Variants in ANKMY1 observed in about 807,000 individuals in gnomAD.
ANKMY1 encodes ankyrin repeat and MYND domain containing 1, also known as ankyrin repeat and MYND domain-containing protein 1.
ANKMY1 carries 98 observed loss-of-function variants against 102.0 expected under a neutral mutation model. That is an observed-to-expected ratio of 0.96 (90% CI 0.82 to 1.14). The LOEUF (loss-of-function observed/expected upper bound fraction) is 1.14. Ranked by LOEUF, ANKMY1 falls within the 50% of genes most tolerant of loss-of-function variation. ANKMY1 has a pLI of 0.00. For missense variants in ANKMY1, 1,330 were observed against 1,347.6 expected, an observed-to-expected ratio of 0.99 and a Z score of 0.20; for synonymous variants, 582 against 559.9, an observed-to-expected ratio of 1.04 and a Z score of -0.56.
intron 4 of ANKMY1, among the ~76,000 whole-genome samples, chr2:240,548,115 TAA>T (rs2090793967): frequency 6.6e-6 from 1 of 152,152 alleles, no homozygotes; most frequent in Non-Finnish European, 1.5e-5. Flanking sequence ...AAATCCTCAA[TAA>T]AATACTGCCA....
intron 9 of ANKMY1, among the ~76,000 whole-genome samples, chr2:240,516,731 T>C (rs1322707387): frequency 6.6e-6 from 1 of 152,236 alleles, no homozygotes; most frequent in Non-Finnish European, 1.5e-5. Flanking sequence ...ATTGAATGCA[T>C]GTTTCTGATA....
At chr2:240,471,822 A>G in the ANKMY1 span, among the ~76,000 whole-genome samples, 1 of 152,170 alleles carries the variant, frequency 6.6e-6, no homozygotes, top group East Asian at 1.9e-4. Context: ...AGCTCGCCAA[A>G]TGGGGTCCTT....
chr2:240,525,064 C>A (rs1378892089), intron 7 of ANKMY1, among the ~76,000 whole-genome samples: 1 of 152,262 alleles, frequency 6.6e-6, no homozygotes, highest in African/African-American at 2.4e-5. Context: ...AAGCACCAGA[C>A]AACTGCAAGC....
chr2:240,476,603 G>A (rs80086246), downstream of ANKMY1, among the ~76,000 whole-genome samples: 2,763 of 152,322 alleles, frequency 0.018, 193 homozygotes, highest in East Asian at 0.19. Flanking sequence ...AGACAGCAGA[G>A]CACAGAAGGG....
At chr2:240,528,608 C>T (rs185357327) in intron 5 of ANKMY1, among the ~76,000 whole-genome samples, 115 of 152,210 alleles carry the variant, frequency 7.6e-4, no homozygotes, top group African/African-American at 2.7e-3. Context: ...CTAGCTATGG[C>T]CTGCACAAGG....
chr2:240,557,459 C>T lies in ANKMY1; in HGVS notation c.-17-107G>A, dbSNP rs2092496630. On this transcript the variant is annotated intron_variant, in intron 1 of 17. Transcript: ENST00000401804. ...CCCCTGAGCCTCAGAGAACCCAAGCCCCTCCCTGAACCGCGCCGGAGCCTG... is the reference window on the plus strand; with the variant it reads ...CCCCTGAGCCTCAGAGAACCCAAGCTCCTCCCTGAACCGCGCCGGAGCCTG... 7.5e-6 allele frequency: 10 copies of T among 1,335,910 alleles called. No homozygotes were observed. In the South Asian group the frequency reaches 1.3e-4, roughly 17 times the overall value. 82.8% of individuals were successfully genotyped at this position (1,335,910 alleles called of 1,614,324 possible).
chr2:240,482,161 C>T (rs1171214907), intron 16 of ANKMY1, 22 bp downstream of exon 16: 2 of 1,610,586 alleles, frequency 1.2e-6, no homozygotes, highest in Admixed American at 1.7e-5. Flanking sequence ...CTGGAAAGAA[C>T]CCAGCCTGCA....
rs753361732 is a variant in ANKMY1, at chr2:240,506,759, A to G, written c.2526+801T>C. ...CGTGGGTGGTGCCCACAGCGGACACAGGAAGGGCTGGCATGGGCGGAGGGC... is the reference window on the plus strand; with the variant it reads ...CGTGGGTGGTGCCCACAGCGGACACGGGAAGGGCTGGCATGGGCGGAGGGC... On this transcript the variant is annotated intron_variant, in intron 13 of 17. Transcript: ENST00000401804. The surrounding 1 kb of genome is among the most constrained non-coding windows in gnomAD (Gnocchi z 4.9). 1.3e-5 allele frequency among the ~76,000 whole-genome samples: 2 copies of G among 152,092 alleles called. No homozygotes were observed. Among genetic ancestry groups the G allele is most frequent in the African/African-American group, 2.4e-5 (1 of 41,430 alleles).
downstream of ANKMY1, among the ~76,000 whole-genome samples, chr2:240,478,448 C>T (rs1185093925): frequency 6.6e-6 from 1 of 152,164 alleles, no homozygotes; most frequent in Non-Finnish European, 1.5e-5. Flanking sequence ...TACACCCACC[C>T]AGCATCCCAG....
Position 240,554,973 on chromosome 2 carries a change from G to A in ANKMY1, c.229C>T (p.Gln77Ter). 6.2e-7 allele frequency: 1 copy of A among 1,614,186 alleles called. No homozygotes were observed. Among genetic ancestry groups the A allele is most frequent in the Admixed American group, 1.7e-5 (1 of 60,030 alleles). Reference protein sequence around the residue: ...RAQDLRESYIQLVQGVQEWQD... With the variant: ...RAQDLRESYI ...CACTCCTGCACACCCTGGACGAGCTGGATGTAGGACTCCCTCAGGTCCTGC... is the reference window on the plus strand; with the variant it reads ...CACTCCTGCACACCCTGGACGAGCTAGATGTAGGACTCCCTCAGGTCCTGC... The change falls in exon 3 of 18, where the codon CAG (glutamine) becomes TAG (stop). Residue 77 changes from glutamine (Q) to a stop codon, truncating the protein, a stop_gained. Coordinates refer to ENST00000401804, the MANE Select transcript of ANKMY1 (RefSeq NM_001282771.3). LOFTEE classifies it high-confidence loss of function.
Position 240,552,987 on chromosome 2 carries a change from CTG to C in ANKMY1, c.405_406del (p.Ser136PhefsTer73). ...GCTGAGGTAAAATGTGCCCGTGAAA[CTG>C]GAGCCATCTGGCCACATGTAGGTAC... On this transcript the variant is annotated frameshift_variant, in exon 4 of 18. Coordinates refer to ENST00000401804, the MANE Select transcript of ANKMY1 (RefSeq NM_001282771.3). LOFTEE classifies it high-confidence loss of function. 6.2e-7 allele frequency: 1 copy of C among 1,614,068 alleles called. No homozygotes were observed. Among genetic ancestry groups the C allele is most frequent in the Non-Finnish European group, 8.5e-7 (1 of 1,180,008 alleles).
Position 240,554,959 on chromosome 2 carries a change from A to G in ANKMY1, c.243T>C (p.Gly81=). Residue 81 remains glycine (G), a synonymous_variant, in exon 3 of 18, where the codon GGT becomes GGC. Transcript: ENST00000401804. ...TGCAACCATCCTGCCACTCCTGCAC[A>G]CCCTGGACGAGCTGGATGTAGGACT... The part of the protein sequence containing the change: ...LRESYIQLVQ[G]VQEWQDGCMY... 6.2e-7 allele frequency: 1 copy of G among 1,614,126 alleles called. No individual in the cohort carries two copies. Among genetic ancestry groups the G allele is most frequent in the Non-Finnish European group, 8.5e-7 (1 of 1,180,012 alleles).
At position 240,520,971 on chromosome 2, in the gene ANKMY1, C is replaced by T. The variant is rs2082126038; in HGVS notation, c.1833-438G>A. On this transcript the variant is annotated intron_variant, in intron 8 of 17. Coordinates refer to ENST00000401804, the MANE Select transcript of ANKMY1 (RefSeq NM_001282771.3). This position sits in a 1 kb window ranked among gnomAD's most constrained non-coding sequence, Gnocchi z 4.8. ...CCACACACACACCACACACACCACT[C>T]ACACCACAAAGACACAAACACACAG... is the stretch of plus-strand genomic sequence containing the variant. Among the ~76,000 whole-genome samples the T allele has an allele frequency of 6.6e-6, 1 of 152,050 alleles. No individual in the cohort carries two copies. The highest frequency in any genetic ancestry group is 1.5e-5 in the Non-Finnish European group (1 of 68,012).
At chr2:240,478,780 G>A (rs1574836440), downstream of ANKMY1, among the ~76,000 whole-genome samples, 1 of 150,310 alleles carries the variant, frequency 6.7e-6, no homozygotes, top group East Asian at 1.9e-4. Flanking sequence ...CCACAAGCCA[G>A]CCTGGAGCGG....
chr2:240,536,197 T>C (rs1360659842), intron 4 of ANKMY1, among the ~76,000 whole-genome samples: 1 of 152,130 alleles, frequency 6.6e-6, no homozygotes, highest in African/African-American at 2.4e-5. Flanking sequence ...AGAGCCATGC[T>C]TAGAAAGAAT....
chr2:240,533,880 A>G (rs1249591077), intron 4 of ANKMY1, among the ~76,000 whole-genome samples: 1 of 152,254 alleles, frequency 6.6e-6, no homozygotes, highest in Non-Finnish European at 1.5e-5. Context: ...ATCACAGGAA[A>G]AATACTGGAG....
intron 15 of ANKMY1, among the ~76,000 whole-genome samples, chr2:240,498,657 G>A (rs761103511): frequency 6.6e-6 from 1 of 152,044 alleles, no homozygotes; most frequent in Non-Finnish European, 1.5e-5. Flanking sequence ...ATGTAGTTTG[G>A]ATGTGTGTCC....
intron 7 of ANKMY1, among the ~76,000 whole-genome samples, 179 bp downstream of exon 7, chr2:240,525,506 A>G (rs976658692): frequency 1.3e-5 from 2 of 152,156 alleles, no homozygotes; most frequent in African/African-American, 4.8e-5. Flanking sequence ...ATACCTTGGC[A>G]TCTGCTCAGG....
intron 9 of ANKMY1, among the ~76,000 whole-genome samples, chr2:240,518,946 A>G (rs185822594): frequency 8.3e-4 from 127 of 152,336 alleles, no homozygotes; most frequent in African/African-American, 3.0e-3. Flanking sequence ...CAAACACTCA[A>G]TGCCGCCTGA....
Sources: allele counts gnomAD v4.1 joint callset (sites outside exome capture counted in the v4.1 genomes callset), GRCh38; gene constraint gnomAD v4.1.1; non-coding constraint Gnocchi (gnomAD v3.1); transcripts MANE v1.5; gene names NCBI Gene and HGNC (gene_info 2026-07-23, HGNC 2026-07-21).